Variants in MOXD1 observed in about 807,000 individuals in gnomAD.
The protein encoded by MOXD1 is DBH-like monooxygenase protein 1.
A neutral mutation model predicts 66.6 loss-of-function variants in MOXD1; 62 were observed. The observed-to-expected ratio is 0.93, with a 90% CI of 0.76 to 1.15. The LOEUF is 1.15. Ranked by LOEUF, MOXD1 falls within the 50% of genes most tolerant of loss-of-function variation. The probability of loss-of-function intolerance (pLI) is 0.00; values close to 1 mark genes in which losing one functional copy is unlikely to be tolerated. For missense variants in MOXD1, 847 were observed against 754.6 expected (o/e 1.12, Z -1.44); for synonymous variants, 303 against 281.9 (o/e 1.07, Z -0.75).
rs541098584 is a variant in MOXD1 at position 132,323,978 on chromosome 6, G to T, written c.1066C>A (p.Pro356Thr). Residue 356 changes from proline (P) to threonine (T), a missense_variant, in exon 7 of 12, where the codon CCT (proline) becomes ACT (threonine). Pro to Thr is a conservative substitution (Grantham distance 38, BLOSUM62 -1). Coordinates refer to ENST00000367963, the MANE Select transcript of MOXD1 (RefSeq NM_015529.4). ...SLFHTIPPGM[P>T]EFQSEGHCTL... Reference sequence around the variant, plus strand: ...CAGTGACCCTCAGACTGGAACTCAGGCATCCCTGGAGGGATGGTATGGAAG... The same window carrying T: ...CAGTGACCCTCAGACTGGAACTCAGTCATCCCTGGAGGGATGGTATGGAAG... 16 of 1,613,542 alleles carry T rather than the reference G, an allele frequency of 9.9e-6. No homozygotes were observed. The African/African-American group carries it at 1.1e-4, about 11-fold the overall frequency.
chr6:132,343,573 T>G (rs1042916201), intron 4 of MOXD1, among the ~76,000 whole-genome samples: 4 of 147,132 alleles, frequency 2.7e-5, no homozygotes, highest in Non-Finnish European at 6.0e-5. Context: ...AGACCCTGTA[T>G]CAAAAAAAAA....
chr6:132,369,948 A>G (rs1176308494), intron 4 of MOXD1, among the ~76,000 whole-genome samples: 1 of 152,186 alleles, frequency 6.6e-6, no homozygotes, highest in African/African-American at 2.4e-5. Context: ...CTGCAAATAC[A>G]AACAAATTCT....
chr6:132,400,534 GT>G (rs780816723), intron 1 of MOXD1, among the ~76,000 whole-genome samples: 8 of 152,170 alleles, frequency 5.3e-5, no homozygotes, highest in Non-Finnish European at 8.8e-5. Context: ...GTAAGCCAAA[GT>G]TTTGTCACTT....
intron 10 of MOXD1, among the ~76,000 whole-genome samples, chr6:132,311,090 A>T (rs561483227): frequency 6.6e-6 from 1 of 152,182 alleles, no homozygotes; most frequent in Admixed American, 6.5e-5. Context: ...TAAAGGAAAA[A>T]TTCCTCCATT....
intron 4 of MOXD1, among the ~76,000 whole-genome samples, chr6:132,340,539 C>A (rs575166612): frequency 1.3e-5 from 2 of 149,622 alleles, no homozygotes; most frequent in African/African-American, 4.9e-5. Flanking sequence ...AAAGCATTCC[C>A]AAAATAACTA....
chr6:132,360,811 T>G (rs1776004238), intron 4 of MOXD1, among the ~76,000 whole-genome samples: 1 of 152,234 alleles, frequency 6.6e-6, no homozygotes, highest in Non-Finnish European at 1.5e-5. Flanking sequence ...GATACTCTGA[T>G]TCTTCCTCAC....
At chr6:132,375,224 T>C (rs147614042) in intron 1 of MOXD1, among the ~76,000 whole-genome samples, 338 of 152,300 alleles carry the variant, frequency 2.2e-3, no homozygotes, top group African/African-American at 7.2e-3. Context: ...TCACCATTCA[T>C]AAAAGCAAAG....
chr6:132,393,779 C>T (rs1161198268), intron 1 of MOXD1, among the ~76,000 whole-genome samples: 1 of 152,208 alleles, frequency 6.6e-6, no homozygotes, highest in Non-Finnish European at 1.5e-5. Flanking sequence ...GCCCAACTGA[C>T]ACTCATCACC....
intron 10 of MOXD1, among the ~76,000 whole-genome samples, chr6:132,309,395 TC>T (rs1380214808): frequency 1.3e-5 from 2 of 152,138 alleles, no homozygotes; most frequent in African/African-American, 4.8e-5. Flanking sequence ...GGAAAAACAT[TC>T]CATTTTCATG....
chr6:132,372,748 G>A, intron 3 of MOXD1, 57 bp from the exon 4 acceptor site: 2 of 1,607,130 alleles, frequency 1.2e-6, no homozygotes, highest in South Asian at 2.2e-5. Flanking sequence ...ACATGCTCCT[G>A]AATACAATAA....
At chr6:132,315,506 T>C (rs936100330) in intron 10 of MOXD1, 129 bp downstream of exon 10, 4 of 1,110,956 alleles carry the variant, frequency 3.6e-6, no homozygotes, top group Non-Finnish European at 5.1e-6. Flanking sequence ...GTCTCCCCAG[T>C]TAAAAGTAAT....
intron 4 of MOXD1, among the ~76,000 whole-genome samples, chr6:132,334,495 C>T (rs547943943): frequency 5.3e-5 from 8 of 152,364 alleles, no homozygotes; most frequent in African/African-American, 1.9e-4. Context: ...TCTGCTCCTT[C>T]TCATCCTCCA....
intron 4 of MOXD1, among the ~76,000 whole-genome samples, chr6:132,347,630 T>C (rs1026125572): frequency 7.2e-5 from 11 of 152,000 alleles, no homozygotes; most frequent in African/African-American, 2.7e-4. Context: ...TGAGCCAAGA[T>C]TGTACCACTG....
At chr6:132,322,996 C>T in intron 7 of MOXD1, 126 bp from the exon 8 acceptor site, 1 of 843,214 alleles carries the variant, frequency 1.2e-6, no homozygotes, top group Non-Finnish European at 1.8e-6. Flanking sequence ...AATGCTTGAA[C>T]TGAAAAAGAG....
intron 8 of MOXD1, 46 bp downstream of exon 8, chr6:132,322,633 C>T (rs1191570125): frequency 1.3e-6 from 2 of 1,564,088 alleles, no homozygotes; most frequent in Admixed American, 1.8e-5. Context: ...AGATATGTCT[C>T]ATGACTTTCA....
At chr6:132,299,627 A>G (rs900330353) in intron 10 of MOXD1, among the ~76,000 whole-genome samples, 1 of 152,236 alleles carries the variant, frequency 6.6e-6, no homozygotes, top group South Asian at 2.1e-4. Context: ...TTGAAAAGAT[A>G]GTTTTCAGGT....
Position 132,362,040 on chromosome 6 carries a change from G to T in MOXD1, c.663+10568C>A, listed in dbSNP as rs148809594. 3.2e-4 allele frequency among the ~76,000 whole-genome samples: 49 copies of T among 151,928 alleles called. No homozygotes were observed. In the East Asian group the frequency reaches 8.7e-3, roughly 27 times the overall value. ...TAATTTTTCCTGCTAATCACTAAAAGCTCCATTTATAAAAACTATTAAAAA... is the reference window on the plus strand; with the variant it reads ...TAATTTTTCCTGCTAATCACTAAAATCTCCATTTATAAAAACTATTAAAAA... On this transcript the variant is annotated intron_variant, in intron 4 of 11. Transcript: ENST00000367963.
At chr6:132,382,697 T>C (rs1321080945) in intron 1 of MOXD1, among the ~76,000 whole-genome samples, 3 of 152,198 alleles carry the variant, frequency 2.0e-5, no homozygotes, top group Non-Finnish European at 4.4e-5. Context: ...GAAAAATGTA[T>C]GAAATATATA....
intron 4 of MOXD1, among the ~76,000 whole-genome samples, chr6:132,330,689 C>T (rs1043524023): frequency 5.3e-5 from 8 of 152,300 alleles, no homozygotes; most frequent in Non-Finnish European, 8.8e-5. Context: ...ATTCAGGCAC[C>T]GCATTTTAAA....
Sources: allele counts gnomAD v4.1 joint callset (sites outside exome capture counted in the v4.1 genomes callset), GRCh38; gene constraint gnomAD v4.1.1; transcripts MANE v1.5; gene names NCBI Gene and HGNC (gene_info 2026-07-23, HGNC 2026-07-21).